The following ZFHX3 variants were observed in gnomAD, a reference collection of about 807,000 sequenced individuals.
ZFHX3 encodes the protein zinc finger homeobox protein 3.
A neutral mutation model predicts 279.1 loss-of-function variants in ZFHX3; 42 were observed. That is an observed-to-expected ratio of 0.15 (90% CI 0.12 to 0.19). The LOEUF is 0.19. ZFHX3 is among the 10% of genes least tolerant of loss of function. The probability of loss-of-function intolerance (pLI) is 1.00; values close to 1 mark genes in which losing one functional copy is unlikely to be tolerated. For synonymous variants in ZFHX3, 2,293 were observed against 1,957.8 expected (o/e 1.17, Z -4.52); for missense variants, 4,981 against 4,754.0 (o/e 1.05, Z -1.40).
At chr16:73,773,507 T>C (rs571954392) in intron 1 of ZFHX3, among the ~76,000 whole-genome samples, 5 of 152,364 alleles carry the variant, frequency 3.3e-5, no homozygotes, top group South Asian at 4.1e-4. Context: ...AATAAGGATC[T>C]GTCCACCTGA....
At chr16:73,789,370 C>T (rs1032922469) in intron 1 of ZFHX3, among the ~76,000 whole-genome samples, 2 of 151,910 alleles carry the variant, frequency 1.3e-5, no homozygotes, top group East Asian at 1.9e-4. Flanking sequence ...TTAGTAGAGA[C>T]GGGGTTTCAC....
intron 2 of ZFHX3, among the ~76,000 whole-genome samples, chr16:73,660,782 A>G (rs2052774567): frequency 6.6e-6 from 1 of 152,228 alleles, no homozygotes; most frequent in Non-Finnish European, 1.5e-5. Context: ...GCATAAGTTA[A>G]TCAGAAATTA....
intron 3 of ZFHX3, among the ~76,000 whole-genome samples, chr16:73,333,768 T>C (rs558361210): frequency 4.0e-5 from 5 of 125,042 alleles, no homozygotes; most frequent in African/African-American, 1.6e-4. Context: ...AAATCAGATG[T>C]GGGATGAGGT....
At chr16:73,093,610 C>T in intron 7 of ZFHX3, 1 of 508,146 alleles carries the variant, frequency 2.0e-6, no homozygotes, top group Non-Finnish European at 3.9e-6. Flanking sequence ...TGCAAACAGA[C>T]AGCACGGAGA....
At chr16:73,099,279 T>A (rs1966202382) in intron 7 of ZFHX3, 1 of 152,206 alleles carries the variant, frequency 6.6e-6, no homozygotes, top group Admixed American at 6.5e-5. Context: ...TTATAACAAA[T>A]GAAAAATGTG....
intron 5 of ZFHX3, among the ~76,000 whole-genome samples, chr16:72,817,272 T>C (rs183170148): frequency 8.4e-4 from 128 of 152,286 alleles, no homozygotes; most frequent in African/African-American, 3.1e-3. Flanking sequence ...AAATTCGACA[T>C]CCGAATCACT....
chr16:73,833,818 G>T (rs1050373170), intron 1 of ZFHX3, among the ~76,000 whole-genome samples: 1 of 149,574 alleles, frequency 6.7e-6, no homozygotes, highest in Admixed American at 6.6e-5. Flanking sequence ...CCGACATATG[G>T]TAGGTATTGA....
At chr16:73,837,196 G>A (rs74030903) in intron 1 of ZFHX3, among the ~76,000 whole-genome samples, 2,294 of 152,304 alleles carry the variant, frequency 0.015, 65 homozygotes, top group African/African-American at 0.051. Context: ...TGCACCATGT[G>A]ATGGGCCATA....
intron 1 of ZFHX3, among the ~76,000 whole-genome samples, chr16:73,011,234 T>C (rs1963905802): frequency 6.6e-6 from 1 of 151,980 alleles, no homozygotes; most frequent in African/African-American, 2.4e-5. Flanking sequence ...TCCGCCTGCC[T>C]CAGCCTCCCA....
At chr16:72,938,459 A>G (rs1422814387) in intron 3 of ZFHX3, among the ~76,000 whole-genome samples, 2 of 152,248 alleles carry the variant, frequency 1.3e-5, no homozygotes, top group Admixed American at 1.3e-4. Context: ...TCCAAGAGGA[A>G]GAAAGCACAG....
intron 3 of ZFHX3, among the ~76,000 whole-genome samples, chr16:73,397,067 C>T (rs2017145060): frequency 6.6e-6 from 1 of 152,234 alleles, no homozygotes; most frequent in African/African-American, 2.4e-5. Flanking sequence ...CACTTCTTTG[C>T]TTATCCAGCT....
intron 7 of ZFHX3, chr16:73,125,210 T>TTA: frequency 6.6e-6 from 1 of 150,438 alleles, no homozygotes; most frequent in African/African-American, 2.4e-5. Context: ...TTTTTTTTTT[T>TTA]TTTTTTTGCT....
intron 2 of ZFHX3, among the ~76,000 whole-genome samples, chr16:73,622,870 T>C (rs1043483007): frequency 6.6e-6 from 1 of 152,188 alleles, no homozygotes; most frequent in African/African-American, 2.4e-5. Flanking sequence ...ATCTTTCCTG[T>C]CTTGTCTTGT....
chr16:73,481,638 GTTTGTTTGTT>G (rs1286069644), intron 2 of ZFHX3, among the ~76,000 whole-genome samples: 2 of 141,894 alleles, frequency 1.4e-5, no homozygotes, highest in South Asian at 2.2e-4. Context: ...TTGTTTGTTT[GTTTGTTTGTT>G]TTTGTTTGTT....
chr16:73,031,904 ACC>A (rs1964716227), intron 1 of ZFHX3, among the ~76,000 whole-genome samples: 1 of 151,988 alleles, frequency 6.6e-6, no homozygotes, highest in African/African-American at 2.4e-5. Context: ...GGAAGGCAGC[ACC>A]CCAATAGAAT....
intron 6 of ZFHX3, among the ~76,000 whole-genome samples, chr16:73,132,471 G>T: frequency 6.6e-6 from 1 of 152,140 alleles, no homozygotes; most frequent in East Asian, 1.9e-4. Context: ...GCAGGTTTCA[G>T]GAACACGCCG....
At chr16:73,432,237 T>A (rs987451518) in intron 3 of ZFHX3, among the ~76,000 whole-genome samples, 2 of 152,132 alleles carry the variant, frequency 1.3e-5, no homozygotes, top group South Asian at 4.1e-4. Flanking sequence ...TATTCTCTCA[T>A]CCTGTACCTA....
chr16:73,465,962 G>A (rs1465476304), intron 2 of ZFHX3, among the ~76,000 whole-genome samples: 7 of 141,300 alleles, frequency 5.0e-5, no homozygotes, highest in African/African-American at 7.7e-5. Flanking sequence ...TCTAAGCCAC[G>A]GTTTCTCAAA....
intron 2 of ZFHX3, among the ~76,000 whole-genome samples, chr16:73,532,632 G>C (rs1390571898): frequency 6.6e-6 from 1 of 152,142 alleles, no homozygotes; most frequent in African/African-American, 2.4e-5. Flanking sequence ...TAGGAGTGTA[G>C]CCTTAGTCAA....
Sources: allele counts gnomAD v4.1 joint callset (sites outside exome capture counted in the v4.1 genomes callset), GRCh38; gene constraint gnomAD v4.1.1; transcripts MANE v1.5; gene names NCBI Gene and HGNC (gene_info 2026-07-23, HGNC 2026-07-21).